Variants in ACTR3B observed in about 807,000 individuals in gnomAD.
The protein encoded by ACTR3B is actin-related protein 3B.
A neutral mutation model predicts 59.0 loss-of-function variants in ACTR3B; 8 were observed. The observed-to-expected ratio is 0.14, with a 90% confidence interval of 0.08 to 0.24. The LOEUF is 0.24. ACTR3B is among the 10% of genes least tolerant of loss of function. The pLI is 1.00. For synonymous variants in ACTR3B, 148 were observed against 197.9 expected (o/e 0.75, Z 2.12); for missense variants, 245 against 552.3 (o/e 0.44, Z 5.58).
intron 1 of ACTR3B, among the ~76,000 whole-genome samples, chr7:152,781,793 G>C (rs1200358928): frequency 6.6e-6 from 1 of 152,168 alleles, no homozygotes; most frequent in Non-Finnish European, 1.5e-5. Flanking sequence ...GGTTGGCTCT[G>C]AATTCTACCT....
intron 10 of ACTR3B, among the ~76,000 whole-genome samples, chr7:152,852,828 G>T (rs1280318290): frequency 6.6e-6 from 1 of 151,912 alleles, no homozygotes; most frequent in African/African-American, 2.4e-5. Flanking sequence ...GTCTCTCTCT[G>T]TCGCCCAGGC....
intron 6 of ACTR3B, among the ~76,000 whole-genome samples, chr7:152,818,140 G>A (rs189627450): frequency 9.1e-4 from 138 of 152,318 alleles, no homozygotes; most frequent in African/African-American, 7.7e-4. Flanking sequence ...TCCTCAGAGA[G>A]CTGTGCTGCT....
chr7:152,803,326 G>T (rs2116750514), intron 4 of ACTR3B, among the ~76,000 whole-genome samples: 1 of 152,306 alleles, frequency 6.6e-6, no homozygotes, highest in African/African-American at 2.4e-5. Context: ...GGGATTATAG[G>T]CATGAGCCAC....
chr7:152,780,839 T>G (rs566450190), intron 1 of ACTR3B, among the ~76,000 whole-genome samples: 1 of 144,194 alleles, frequency 6.9e-6, no homozygotes, highest in South Asian at 2.1e-4. Context: ...TTTTTAACTT[T>G]TCAGATTTTT....
rs1796436250 is a variant in ACTR3B, at chr7:152,824,710, T to C, written c.859-320T>C. 6.6e-6 allele frequency among the ~76,000 whole-genome samples: 1 copy of C among 152,124 alleles called. No homozygotes were observed. Among genetic ancestry groups the C allele is most frequent in the Admixed American group, 6.5e-5 (1 of 15,280 alleles). ...GTCATGTTTCTCACTGCGTGTCACA[T>C]AGATCGTGCACATACTCTCCACTGC... On this transcript the variant is annotated intron_variant, in intron 8 of 11. Coordinates refer to ENST00000256001, the MANE Select transcript of ACTR3B (RefSeq NM_020445.6). This position sits in a 1 kb window ranked among gnomAD's most constrained non-coding sequence, Gnocchi z 4.2.
intron 9 of ACTR3B, among the ~76,000 whole-genome samples, chr7:152,825,385 C>A (rs1400736925): frequency 6.6e-6 from 1 of 152,174 alleles, no homozygotes; most frequent in Non-Finnish European, 1.5e-5. Flanking sequence ...GATCTCAGCT[C>A]ACTATAACCT....
chr7:152,803,974 T>A (rs563895399), intron 4 of ACTR3B, among the ~76,000 whole-genome samples: 1 of 152,276 alleles, frequency 6.6e-6, no homozygotes, highest in East Asian at 1.9e-4. Flanking sequence ...GTGGAAAGAT[T>A]TAAGACCAAG....
Position 152,828,315 on chromosome 7 carries a change from G to A in ACTR3B, c.951+3193G>A, listed in dbSNP as rs1796743125. 2.6e-5 allele frequency among the ~76,000 whole-genome samples: 4 copies of A among 152,130 alleles called. No individual in the cohort carries two copies. The South Asian group carries it at 8.3e-4, about 32-fold the overall frequency. On this transcript the variant is annotated intron_variant, in intron 9 of 11. Transcript: ENST00000256001. ...CAGGGTAGAGTCACACACTACTCTA[G>A]GGCTCCTGCTGACTTGGTTTCTGGA...
intron 9 of ACTR3B, among the ~76,000 whole-genome samples, chr7:152,834,692 C>CAGAA (rs1401890122): frequency 6.6e-6 from 1 of 152,178 alleles, no homozygotes; most frequent in Non-Finnish European, 1.5e-5. Flanking sequence ...TTTTGACACT[C>CAGAA]TTCTAGCTTA....
chr7:152,784,530 A>G (rs1479958405), intron 2 of ACTR3B, among the ~76,000 whole-genome samples: 1 of 152,168 alleles, frequency 6.6e-6, no homozygotes, highest in African/African-American at 2.4e-5. Context: ...GGTTATCCTG[A>G]TGACAGGCAT....
chr7:152,828,464 C>T (rs1376980817), intron 9 of ACTR3B, among the ~76,000 whole-genome samples: 3 of 152,150 alleles, frequency 2.0e-5, no homozygotes, highest in African/African-American at 7.2e-5. Flanking sequence ...CTCCCTGCTA[C>T]GCTCCCTTCT....
intron 2 of ACTR3B, among the ~76,000 whole-genome samples, chr7:152,785,511 G>GGAGAGAGAA (rs1563090628): frequency 1.8e-5 from 2 of 113,054 alleles, no homozygotes; most frequent in Non-Finnish European, 1.9e-5. Flanking sequence ...GAGAGAGAGA[G>GGAGAGAGAA]GAGAGAGAAG....
chr7:152,825,533 T>C (rs1362217404), intron 9 of ACTR3B, among the ~76,000 whole-genome samples: 2 of 151,966 alleles, frequency 1.3e-5, no homozygotes, highest in Non-Finnish European at 2.9e-5. Context: ...CCCAGGCTGG[T>C]CTCGAACTCC....
At chr7:152,763,049 C>T (rs563712541) in intron 1 of ACTR3B, among the ~76,000 whole-genome samples, 14 of 152,156 alleles carry the variant, frequency 9.2e-5, no homozygotes, top group African/African-American at 3.4e-4. Context: ...GGCGCGGTGG[C>T]TCATGCCTGT....
chr7:152,765,131 T>C (rs899763937), intron 1 of ACTR3B, among the ~76,000 whole-genome samples: 2 of 91,866 alleles, frequency 2.2e-5, no homozygotes, highest in East Asian at 3.8e-4. Flanking sequence ...TTTTTTTTTT[T>C]CCGGAGACAG....
chr7:152,806,705 A>G (rs1411642522), intron 4 of ACTR3B, among the ~76,000 whole-genome samples: 1 of 150,826 alleles, frequency 6.6e-6, no homozygotes, highest in African/African-American at 2.5e-5. Context: ...CAGCTTTGTA[A>G]GGAGCTTTCC....
At chr7:152,800,845 A>C (rs914873368) in intron 3 of ACTR3B, among the ~76,000 whole-genome samples, 190 bp downstream of exon 3, 2 of 152,264 alleles carry the variant, frequency 1.3e-5, no homozygotes, top group African/African-American at 4.8e-5. Flanking sequence ...AAGGGAATTA[A>C]CAGATCCCTG....
intron 5 of ACTR3B, among the ~76,000 whole-genome samples, chr7:152,814,849 G>A (rs1590343848): frequency 6.6e-6 from 1 of 152,126 alleles, no homozygotes; most frequent in Non-Finnish European, 1.5e-5. Flanking sequence ...TTTTGGTATA[G>A]ACGTCGTCTG....
intron 9 of ACTR3B, among the ~76,000 whole-genome samples, chr7:152,850,150 C>T (rs1798680332): frequency 6.6e-6 from 1 of 151,732 alleles, no homozygotes; most frequent in Non-Finnish European, 1.5e-5. Flanking sequence ...GTCACTTCTC[C>T]AGGTGGAAGG....
Sources: gnomAD v4.1 joint callset for allele counts (sites outside exome capture counted in the v4.1 genomes callset) on GRCh38, gnomAD v4.1.1 for gene constraint, Gnocchi (gnomAD v3.1) non-coding constraint, MANE v1.5 for transcripts, NCBI Gene and HGNC (gene_info 2026-07-23, HGNC 2026-07-21) for gene names.